VRK1: variants seen among roughly 807,000 people sequenced by gnomAD.
VRK1 encodes serine/threonine-protein kinase VRK1.
VRK1 carries 33 observed loss-of-function variants against 57.1 expected under a neutral mutation model. The observed-to-expected ratio is 0.58, with a 90% CI of 0.44 to 0.77. The LOEUF (loss-of-function observed/expected upper bound fraction) is 0.77, where lower values mean the gene tolerates loss of function less well. Ranked by LOEUF, VRK1 falls within the 30% of genes least tolerant of loss-of-function variation. The pLI is 0.00. For synonymous variants in VRK1, 137 were observed against 147.8 expected, an observed-to-expected ratio of 0.93 and a Z score of 0.53; for missense variants, 413 against 477.3, an observed-to-expected ratio of 0.87 and a Z score of 1.25.
chr14:96,862,308 C>T (rs916838488), intron 11 of VRK1, among the ~76,000 whole-genome samples: 1 of 152,100 alleles, frequency 6.6e-6, no homozygotes, highest in Non-Finnish European at 1.5e-5. Context: ...TATAAAGCTT[C>T]ATTTAGGGGA....
intron 1 of VRK1, among the ~76,000 whole-genome samples, chr14:96,830,671 T>G (rs1406573797): frequency 2.0e-5 from 3 of 152,174 alleles, no homozygotes; most frequent in Non-Finnish European, 2.9e-5. Context: ...AATACCAACT[T>G]AGTGTGGCAC....
At chr14:96,834,680 A>G (rs1029098081) in intron 2 of VRK1, among the ~76,000 whole-genome samples, 2 of 152,192 alleles carry the variant, frequency 1.3e-5, no homozygotes, top group African/African-American at 4.8e-5. Flanking sequence ...TTTTATGCAT[A>G]TGATTCCTGT....
intron 3 of VRK1, 99 bp from the exon 4 acceptor site, chr14:96,845,996 G>A: frequency 9.1e-7 from 1 of 1,093,990 alleles, no homozygotes. Context: ...AAATTACATT[G>A]GACAGAAAAA....
At chr14:96,863,338 A>T (rs896582811) in intron 11 of VRK1, among the ~76,000 whole-genome samples, 2 of 152,238 alleles carry the variant, frequency 1.3e-5, no homozygotes, top group Non-Finnish European at 2.9e-5. Context: ...CAACAATTAC[A>T]TAAAAAGTCT....
At chr14:96,849,799 C>G (rs1887877958) in intron 5 of VRK1, among the ~76,000 whole-genome samples, 1 of 152,082 alleles carries the variant, frequency 6.6e-6, no homozygotes, top group Non-Finnish European at 1.5e-5. Context: ...TAAAAGTAGC[C>G]CACACTGTCA....
At chr14:96,860,461 T>G in intron 10 of VRK1, 96 bp from the exon 11 acceptor site, 1 of 1,229,104 alleles carries the variant, frequency 8.1e-7, no homozygotes, top group Non-Finnish European at 1.1e-6. Context: ...AAGATGTGTA[T>G]TTGCATTCTA....
intron 12 of VRK1, among the ~76,000 whole-genome samples, chr14:96,876,776 C>CAA (rs5810784): frequency 1.0e-4 from 13 of 126,742 alleles, no homozygotes; most frequent in African/African-American, 2.9e-4. Context: ...GTTCTTGAAG[C>CAA]AAAAAAAAAA....
chr14:96,852,823 G>C lies in VRK1; in HGVS notation c.375-8G>C, dbSNP rs191021502. The C allele has an allele frequency of 1.2e-3, 1,939 of 1,609,988 alleles. 16 individuals are homozygous for C. The highest frequency in any genetic ancestry group is 0.011 in the South Asian group (1,040 of 90,960). On this transcript the variant is annotated splice_polypyrimidine_tract_variant and splice_region_variant and intron_variant, in intron 5 of 12. Transcript: ENST00000216639. ...TTTTGTTCATTGGCTTTTCATATTT[G>C]TCTTCAGTTACAGGTTTATGATAAT...
chr14:96,812,112 C>T (rs533692135), intron 1 of VRK1, among the ~76,000 whole-genome samples: 4 of 152,258 alleles, frequency 2.6e-5, no homozygotes, highest in Non-Finnish European at 4.4e-5. Context: ...TGTGTTAATA[C>T]TTTATTTCTT....
intron 1 of VRK1, among the ~76,000 whole-genome samples, chr14:96,802,131 C>G (rs1032087151): frequency 6.6e-6 from 1 of 152,106 alleles, no homozygotes; most frequent in African/African-American, 2.4e-5. Context: ...AATGCTGACT[C>G]TAAAATTTAT....
intron 7 of VRK1, 26 bp downstream of exon 7, chr14:96,853,192 T>C (rs2139796653): frequency 6.4e-7 from 1 of 1,572,284 alleles, no homozygotes. Flanking sequence ...TAATTTCTAC[T>C]ATTTAAAGCG....
chr14:96,872,210 T>C (rs558988321), intron 11 of VRK1, among the ~76,000 whole-genome samples: 5 of 152,368 alleles, frequency 3.3e-5, no homozygotes, highest in Admixed American at 1.3e-4. Context: ...CCTGTAGTTA[T>C]GTTTGACCTT....
intron 1 of VRK1, among the ~76,000 whole-genome samples, chr14:96,819,896 T>C (rs1170496300): frequency 6.6e-6 from 1 of 152,144 alleles, no homozygotes; most frequent in Non-Finnish European, 1.5e-5. Context: ...TGGAGAAGAA[T>C]TGGGCCCTTT....
chr14:96,852,550 C>T (rs981846722), intron 5 of VRK1, among the ~76,000 whole-genome samples: 8 of 152,090 alleles, frequency 5.3e-5, no homozygotes, highest in Non-Finnish European at 8.8e-5. Flanking sequence ...CGTGAATAAA[C>T]TTGTTGGGTT....
chr14:96,833,595 C>T lies in VRK1; in HGVS notation c.124C>T (p.Pro42Ser), dbSNP rs1379821878. The T allele has an allele frequency of 1.2e-6, 2 of 1,613,580 alleles. No homozygotes were observed. The highest frequency in any genetic ancestry group is 1.3e-5 in the African/African-American group (1 of 74,892). Residue 42 changes from proline (P) to serine (S), a missense_variant, in exon 2 of 13, where the codon CCC becomes TCC. Coordinates refer to ENST00000216639, the MANE Select transcript of VRK1 (RefSeq NM_003384.3). ...AAAAAAGGAATGGAAAGTAGGATTA[C>T]CCATTGGCCAAGGAGGCTTTGGCTG... ...MAKKEWKVGL[P>S]IGQGGFGCIY... is the part of the protein sequence containing the mutation.
chr14:96,837,566 A>G (rs1466106172), intron 2 of VRK1, among the ~76,000 whole-genome samples, 196 bp from the exon 3 acceptor site: 3 of 152,186 alleles, frequency 2.0e-5, no homozygotes, highest in Non-Finnish European at 4.4e-5. Flanking sequence ...AAATTGTAAG[A>G]TGCATTCTCA....
At chr14:96,828,834 T>C (rs1886898966) in intron 1 of VRK1, among the ~76,000 whole-genome samples, 1 of 152,220 alleles carries the variant, frequency 6.6e-6, no homozygotes, top group African/African-American at 2.4e-5. Flanking sequence ...TGCTTATACC[T>C]GGCTGAAGCA....
At chr14:96,839,778 A>T (rs1033379131) in intron 3 of VRK1, among the ~76,000 whole-genome samples, 1 of 152,044 alleles carries the variant, frequency 6.6e-6, no homozygotes, top group African/African-American at 2.4e-5. Context: ...CCTTTTTCAG[A>T]TACGTGTTTT....
intron 1 of VRK1, among the ~76,000 whole-genome samples, chr14:96,802,005 C>G (rs1885680891): frequency 6.6e-6 from 1 of 152,066 alleles, no homozygotes. Context: ...TAGAGGTAAT[C>G]TGTTATTTGG....
Sources: gnomAD v4.1 joint callset for allele counts (sites outside exome capture counted in the v4.1 genomes callset) on GRCh38, gnomAD v4.1.1 for gene constraint, MANE v1.5 for transcripts, NCBI Gene and HGNC (gene_info 2026-07-23, HGNC 2026-07-21) for gene names.